The following SLC9A9 variants were observed in gnomAD, a reference collection of about 807,000 sequenced individuals.
SLC9A9 encodes solute carrier family 9 member A9, also known as sodium/hydrogen exchanger 9.
Under a neutral mutation model 77.8 loss-of-function variants are expected in SLC9A9, and 62 were observed. The ratio of observed to expected loss-of-function variants is 0.80; its 90% CI spans 0.65 to 0.98. The LOEUF (loss-of-function observed/expected upper bound fraction) is 0.98. Among genes scored for constraint, SLC9A9 ranks in the 50% least tolerant of loss-of-function variants. SLC9A9 has a pLI of 0.00. For synonymous variants in SLC9A9, 320 were observed against 283.5 expected, an observed-to-expected ratio of 1.13 and a Z score of -1.29; for missense variants, 775 against 774.9, an observed-to-expected ratio of 1.00 and a Z score of 0.00.
rs74523675 is a variant in SLC9A9, at chr3:143,671,628, A to T, written c.650-19268T>A. On this transcript the variant is annotated intron_variant, in intron 5 of 15. Transcript: ENST00000316549. The stretch of plus-strand genomic sequence containing the variant: ...CAAGAATAGAATTGAGGTTTATATG[A>T]TGGAGTTTTACAGACATAGGTTTAT... 3.4e-3 allele frequency among the ~76,000 whole-genome samples: 521 copies of T among 152,330 alleles called. 2 individuals carry two copies. Among genetic ancestry groups the T allele is most frequent in the African/African-American group, 0.012 (501 of 41,566 alleles).
At position 143,301,261 on chromosome 3, in the gene SLC9A9, A is replaced by G. The variant is rs1250029721; in HGVS notation, c.1605-32281T>C. 3.9e-5 allele frequency among the ~76,000 whole-genome samples: 6 copies of G among 152,322 alleles called. No homozygotes were observed. In the East Asian group the frequency reaches 1.2e-3, roughly 29 times the overall value. ...ATTTGCGCAAAATGCATACTTTGTA[A>G]GTCTTGGAAGTTGGTAATATTCAAA... On this transcript the variant is annotated intron_variant, in intron 14 of 15. Coordinates refer to ENST00000316549, the MANE Select transcript of SLC9A9 (RefSeq NM_173653.4).
Position 143,584,914 on chromosome 3 carries a change from C to G in SLC9A9, c.756-6191G>C, listed in dbSNP as rs1310520776. On this transcript the variant is annotated intron_variant, in intron 6 of 15. Coordinates refer to ENST00000316549, the MANE Select transcript of SLC9A9 (RefSeq NM_173653.4). ...ACTGGAAAGGAGGGAAGGCAGCATG[C>G]TCCTCCTCCTCACACCTGGTGCCAG... Among the ~76,000 whole-genome samples, 4 of 152,336 alleles carry G rather than the reference C, an allele frequency of 2.6e-5. No individual in the cohort carries two copies. In the South Asian group the frequency reaches 6.2e-4, roughly 24 times the overall value.
intron 6 of SLC9A9, among the ~76,000 whole-genome samples, chr3:143,624,277 C>G (rs984845793): frequency 6.6e-6 from 1 of 152,148 alleles, no homozygotes; most frequent in African/African-American, 2.4e-5. Context: ...AGGCCAGCAT[C>G]ACCCTGATAC....
chr3:143,428,704 A>ATAG, intron 12 of SLC9A9, among the ~76,000 whole-genome samples: 1 of 18,596 alleles, frequency 5.4e-5, no homozygotes, highest in African/African-American at 8.0e-4. Context: ...CAGATGAATG[A>ATAG]AGACAGACAC....
At chr3:143,648,761 T>C (rs2038746607) in intron 6 of SLC9A9, among the ~76,000 whole-genome samples, 1 of 152,170 alleles carries the variant, frequency 6.6e-6, no homozygotes, top group Non-Finnish European at 1.5e-5. Context: ...CTGTACCTTT[T>C]ACTGACCATA....
At chr3:143,643,466 G>T (rs2038654575) in intron 6 of SLC9A9, among the ~76,000 whole-genome samples, 1 of 152,188 alleles carries the variant, frequency 6.6e-6, no homozygotes, top group Admixed American at 6.5e-5. Flanking sequence ...CCTTTAGACA[G>T]GGTTCTGATT....
At chr3:143,625,298 C>T (rs2038299632) in intron 6 of SLC9A9, among the ~76,000 whole-genome samples, 1 of 152,314 alleles carries the variant, frequency 6.6e-6, no homozygotes, top group East Asian at 1.9e-4. Flanking sequence ...AAAGAGCCCG[C>T]ATTGCCAAGT....
chr3:143,563,047 G>A (rs2037113406), intron 8 of SLC9A9, among the ~76,000 whole-genome samples: 1 of 151,856 alleles, frequency 6.6e-6, no homozygotes, highest in Non-Finnish European at 1.5e-5. Context: ...TTGACTGCAG[G>A]GACTCATTTA....
chr3:143,745,863 T>C (rs1935187091), intron 4 of SLC9A9, among the ~76,000 whole-genome samples: 1 of 152,196 alleles, frequency 6.6e-6, no homozygotes, highest in Non-Finnish European at 1.5e-5. Flanking sequence ...AAACATTGAC[T>C]GGGAAAGCCT....
At position 143,372,648 on chromosome 3, in the gene SLC9A9, G is replaced by A. The variant is rs140856089; in HGVS notation, c.1525-9085C>T. 7.2e-3 allele frequency among the ~76,000 whole-genome samples: 1,095 copies of A among 152,132 alleles called. 11 individuals are homozygous for A. Among genetic ancestry groups the A allele is most frequent in the African/African-American group, 0.025 (1,030 of 41,538 alleles). On this transcript the variant is annotated intron_variant, in intron 13 of 15. Coordinates refer to ENST00000316549, the MANE Select transcript of SLC9A9 (RefSeq NM_173653.4). The stretch of plus-strand genomic sequence containing the variant: ...AATTAATCTAATAAACTTACGTGTA[G>A]CAAAATAAATTATCAATAGAGCAAA...
intron 14 of SLC9A9, among the ~76,000 whole-genome samples, chr3:143,323,052 G>T (rs1309050482): frequency 6.6e-6 from 1 of 152,188 alleles, no homozygotes; most frequent in East Asian, 1.9e-4. Context: ...CAGGCAGAGT[G>T]GCTGTTATTA....
intron 4 of SLC9A9, among the ~76,000 whole-genome samples, chr3:143,766,463 C>T (rs1160858073): frequency 6.6e-6 from 1 of 152,210 alleles, no homozygotes; most frequent in African/African-American, 2.4e-5. Flanking sequence ...TGTCATCACA[C>T]ATTTAAATAT....
chr3:143,697,689 T>TACACACAC (rs144005213), intron 4 of SLC9A9, among the ~76,000 whole-genome samples: 80 of 148,702 alleles, frequency 5.4e-4, no homozygotes, highest in Middle Eastern at 3.5e-3. Flanking sequence ...TGTGTGTGAG[T>TACACACAC]ACACACACAC....
chr3:143,803,283 C>A (rs146801569), intron 2 of SLC9A9, among the ~76,000 whole-genome samples: 1 of 152,280 alleles, frequency 6.6e-6, no homozygotes, highest in Non-Finnish European at 1.5e-5. Flanking sequence ...ACAGTAACAA[C>A]CCTTATGAGC....
At chr3:143,715,691 G>C (rs980015707) in intron 4 of SLC9A9, among the ~76,000 whole-genome samples, 1 of 152,146 alleles carries the variant, frequency 6.6e-6, no homozygotes, top group Non-Finnish European at 1.5e-5. Flanking sequence ...AGAGTGGGGA[G>C]AGGAAGAATT....
intron 12 of SLC9A9, among the ~76,000 whole-genome samples, chr3:143,408,537 T>G (rs1036902761): frequency 6.6e-6 from 1 of 152,236 alleles, no homozygotes; most frequent in African/African-American, 2.4e-5. Flanking sequence ...CAGCCAATTA[T>G]TCAAGAAATA....
intron 5 of SLC9A9, among the ~76,000 whole-genome samples, chr3:143,677,234 A>C (rs1932911755): frequency 6.6e-6 from 1 of 152,166 alleles, no homozygotes; most frequent in Non-Finnish European, 1.5e-5. Context: ...TAAAAGTTAC[A>C]CACAGATATG....
In SLC9A9 at chr3:143,824,425, T is replaced by C. The variant is rs116600016; in HGVS notation, c.378+7594A>G. Among the ~76,000 whole-genome samples the C allele has an allele frequency of 7.2e-3, 1,103 of 152,310 alleles. 8 individuals are homozygous for C. The highest frequency in any genetic ancestry group is 0.014 in the Middle Eastern group (4 of 294). On this transcript the variant is annotated intron_variant, in intron 2 of 15. Coordinates refer to ENST00000316549, the MANE Select transcript of SLC9A9 (RefSeq NM_173653.4). ...TCTGCATGGCATAGTCCCCACTTCA[T>C]TAGGACTCAGCTCCGATTCACCTCA...
At chr3:143,802,694 A>T (rs4632538) in intron 2 of SLC9A9, among the ~76,000 whole-genome samples, 24,865 of 152,054 alleles carry the variant, frequency 0.16, 2,157 homozygotes, top group South Asian at 0.29. Context: ...GGAACCTTCA[A>T]ATCCCTTACC....
Sources: allele counts gnomAD v4.1 joint callset (sites outside exome capture counted in the v4.1 genomes callset), GRCh38; gene constraint gnomAD v4.1.1; transcripts MANE v1.5; gene names NCBI Gene and HGNC (gene_info 2026-07-23, HGNC 2026-07-21).